The following KIRREL3 variants were observed in gnomAD, a reference collection of about 807,000 sequenced individuals.
KIRREL3 encodes kin of IRRE-like protein 3.
A neutral mutation model predicts 89.7 loss-of-function variants in KIRREL3; 36 were observed. The observed-to-expected ratio is 0.40, with a 90% CI of 0.31 to 0.53. The LOEUF is 0.53. Ranked by LOEUF, KIRREL3 falls within the 20% of genes least tolerant of loss-of-function variation. The probability of loss-of-function intolerance (pLI) is 0.49; values close to 1 mark genes in which losing one functional copy is unlikely to be tolerated. For synonymous variants in KIRREL3, 445 were observed against 441.4 expected (o/e 1.01, Z -0.10); for missense variants, 864 against 1,056.6 (o/e 0.82, Z 2.53).
At chr11:126,856,647 G>T (rs185304536) in intron 1 of KIRREL3, among the ~76,000 whole-genome samples, 1 of 142,906 alleles carries the variant, frequency 7.0e-6, no homozygotes, top group Non-Finnish European at 1.5e-5. Flanking sequence ...ACCGAGTCTC[G>T]CTCTGTCGCC....
At chr11:126,506,797 G>GTTTTTTTTTTTTTTTTTTTTTTTTTTT (rs1958033116) in intron 4 of KIRREL3, among the ~76,000 whole-genome samples, 1 of 145,532 alleles carries the variant, frequency 6.9e-6, no homozygotes, top group African/African-American at 2.8e-5. Context: ...TTTGTTTTTG[G>GTTTTTTTTTTTTTTTTTTTTTTTTTTT]TATTTTTAGT....
intron 1 of KIRREL3, among the ~76,000 whole-genome samples, chr11:126,864,445 G>A (rs1049436767): frequency 1.3e-5 from 2 of 152,234 alleles, no homozygotes; most frequent in African/African-American, 2.4e-5. Context: ...ATGGTGACAT[G>A]TGACAGCCAC....
intron 1 of KIRREL3, among the ~76,000 whole-genome samples, chr11:126,960,540 T>C (rs892506206): frequency 8.5e-5 from 13 of 152,176 alleles, no homozygotes; most frequent in African/African-American, 2.9e-4. Context: ...CTGATTTGAA[T>C]TGCGGTTCCA....
Position 126,653,291 on chromosome 11 carries a change from T to C in KIRREL3, c.56-90379A>G, listed in dbSNP as rs1380523340. Among the ~76,000 whole-genome samples the C allele has an allele frequency of 6.6e-6, 1 of 152,112 alleles. No individual in the cohort carries two copies. Among genetic ancestry groups the C allele is most frequent in the Non-Finnish European group, 1.5e-5 (1 of 68,018 alleles). On this transcript the variant is annotated intron_variant, in intron 1 of 16. Transcript: ENST00000525144. The surrounding 1 kb of genome is among the most constrained non-coding windows in gnomAD (Gnocchi z 5.4). ...AGAGGCAGAGGAACGACTGACTTGC[T>C]CAGTGAAGGATGGGCAGACTTGGGG...
intron 2 of KIRREL3, among the ~76,000 whole-genome samples, chr11:126,545,876 C>T (rs1457341252): frequency 1.3e-5 from 2 of 152,214 alleles, no homozygotes; most frequent in African/African-American, 2.4e-5. Flanking sequence ...TGCAGAAGTA[C>T]CTGAGGCAAG....
intron 1 of KIRREL3, among the ~76,000 whole-genome samples, chr11:126,585,445 G>T (rs1205938278): frequency 6.7e-6 from 1 of 149,886 alleles, no homozygotes; most frequent in African/African-American, 2.5e-5. Context: ...TGCGGGCCAG[G>T]CTGCTCTCGA....
intron 7 of KIRREL3, among the ~76,000 whole-genome samples, chr11:126,453,067 C>A (rs1174192567): frequency 6.6e-6 from 1 of 151,004 alleles, no homozygotes; most frequent in East Asian, 2.0e-4. Flanking sequence ...CCCACCTCCC[C>A]CAACTCACTG....
chr11:126,469,675 G>A (rs919307561), intron 5 of KIRREL3, among the ~76,000 whole-genome samples: 5 of 152,230 alleles, frequency 3.3e-5, no homozygotes, highest in Non-Finnish European at 4.4e-5. Context: ...ACCACTGGCC[G>A]TGGGGTGGAC....
chr11:126,775,998 G>A (rs1178615771), intron 1 of KIRREL3, among the ~76,000 whole-genome samples: 2 of 152,190 alleles, frequency 1.3e-5, no homozygotes, highest in African/African-American at 4.8e-5. Flanking sequence ...CTGCAAGCTG[G>A]GGCTCCTGGA....
At chr11:126,919,701 G>A (rs547691022) in intron 1 of KIRREL3, among the ~76,000 whole-genome samples, 78 of 152,340 alleles carry the variant, frequency 5.1e-4, no homozygotes, top group African/African-American at 1.7e-3. Context: ...TGGTCTGGGA[G>A]AGAAACCCTT....
intron 6 of KIRREL3, among the ~76,000 whole-genome samples, chr11:126,457,880 G>A (rs866448854): frequency 7.9e-5 from 12 of 152,144 alleles, no homozygotes; most frequent in South Asian, 2.1e-4. Flanking sequence ...GAAACAGCTC[G>A]AGGGGGCTGC....
At chr11:126,543,312 C>T (rs997609500) in intron 2 of KIRREL3, among the ~76,000 whole-genome samples, 8 of 152,266 alleles carry the variant, frequency 5.3e-5, no homozygotes, top group African/African-American at 1.9e-4. Context: ...GCCGGAGACG[C>T]CCAGCCTAGG....
rs150115810 is a variant in KIRREL3 at position 126,949,508 on chromosome 11, G to A, written c.55+50947C>T. On this transcript the variant is annotated intron_variant, in intron 1 of 16. Transcript: ENST00000525144. ...TGGAGGGACACAAAGATGCATTTCC[G>A]CCTGGAAGCACGACAGGCTGCTAAG... Among the ~76,000 whole-genome samples, 44 of 152,268 alleles carry A rather than the reference G, an allele frequency of 2.9e-4. 1 individual carries two copies. The East Asian group carries it at 4.8e-3, about 17-fold the overall frequency.
In KIRREL3 at chr11:126,783,556, A is replaced by G. The variant is rs116898956; in HGVS notation, c.55+216899T>C. On this transcript the variant is annotated intron_variant, in intron 1 of 16. Transcript: ENST00000525144. This position sits in a 1 kb window ranked among gnomAD's most constrained non-coding sequence, Gnocchi z 4.3. ...CAAAGGGACACAGAAGCCAACTGAA[A>G]GAGCTCCCATTGACCAAAGATGGCA... is the stretch of plus-strand genomic sequence containing the variant. Among the ~76,000 whole-genome samples, 278 of 152,356 alleles carry G rather than the reference A, an allele frequency of 1.8e-3. 12 individuals are homozygous for G. In the East Asian group the frequency reaches 0.052, roughly 29 times the overall value.
At chr11:126,426,579 A>G (rs921070097) in intron 15 of KIRREL3, among the ~76,000 whole-genome samples, 1 of 152,248 alleles carries the variant, frequency 6.6e-6, no homozygotes, top group African/African-American at 2.4e-5. Context: ...ATTATTAGAC[A>G]TAAGATGAAA....
rs1946712842 is a variant in KIRREL3 at position 126,909,266 on chromosome 11, G to T, written c.55+91189C>A. Among the ~76,000 whole-genome samples, 1 of 152,118 alleles carries T rather than the reference G, an allele frequency of 6.6e-6. No individual in the cohort carries two copies. Among genetic ancestry groups the T allele is most frequent in the Admixed American group, 6.5e-5 (1 of 15,284 alleles). The stretch of plus-strand genomic sequence containing the variant: ...ATGGGAGGTGTGGCACTAAAACCCA[G>T]GCTCCGGCCTGGGACTCTTTACATT... On this transcript the variant is annotated intron_variant, in intron 1 of 16. Transcript: ENST00000525144. This position sits in a 1 kb window ranked among gnomAD's most constrained non-coding sequence, Gnocchi z 4.5.
rs1466268893 is a variant in KIRREL3 at position 126,676,213 on chromosome 11, A to G, written c.56-113301T>C. 6.6e-6 allele frequency among the ~76,000 whole-genome samples: 1 copy of G among 152,224 alleles called. No homozygotes were observed. Among genetic ancestry groups the G allele is most frequent in the East Asian group, 1.9e-4 (1 of 5,198 alleles). On this transcript the variant is annotated intron_variant, in intron 1 of 16. Transcript: ENST00000525144. The surrounding 1 kb of genome is among the most constrained non-coding windows in gnomAD (Gnocchi z 4.5). ...GGGGTGTCATCAGCATCAAGGTGCT[A>G]GTAACTATCACGGGCAAAGATGAAA...
At chr11:126,779,803 T>C (rs1369507628) in intron 1 of KIRREL3, among the ~76,000 whole-genome samples, 1 of 150,080 alleles carries the variant, frequency 6.7e-6, no homozygotes, top group African/African-American at 2.4e-5. Context: ...TGCCTTCTCC[T>C]TTTTCAAGTG....
chr11:126,669,526 C>T lies in KIRREL3; in HGVS notation c.56-106614G>A, dbSNP rs560576179. Among the ~76,000 whole-genome samples the T allele has an allele frequency of 3.0e-4, 46 of 152,252 alleles. No individual in the cohort carries two copies. The highest frequency in any genetic ancestry group is 5.4e-4 in the Non-Finnish European group (37 of 68,018). On this transcript the variant is annotated intron_variant, in intron 1 of 16. Transcript: ENST00000525144. This position sits in a 1 kb window ranked among gnomAD's most constrained non-coding sequence, Gnocchi z 5.0. ...GCGGTTAGATTTTTAACTTCTGGTT[C>T]GGACTAATACATCTTTTCCAGTGCA...
Sources: gnomAD v4.1 joint callset for allele counts (sites outside exome capture counted in the v4.1 genomes callset) on GRCh38, gnomAD v4.1.1 for gene constraint, Gnocchi (gnomAD v3.1) non-coding constraint, MANE v1.5 for transcripts, NCBI Gene and HGNC (gene_info 2026-07-23, HGNC 2026-07-21) for gene names.